ERICH1: variants seen among roughly 807,000 people sequenced by gnomAD.
ERICH1 encodes the protein glutamate rich 1.
In ERICH1, 56 loss-of-function variants were observed where a neutral mutation model predicts 39.6. The ratio of observed to expected loss-of-function variants is 1.41; its 90% confidence interval spans 1.14 to 1.77. The LOEUF is 1.77. Ranked by LOEUF, ERICH1 falls within the 40% of genes most tolerant of loss-of-function variation. The probability of loss-of-function intolerance (pLI) is 0.00; values close to 1 mark genes in which losing one functional copy is unlikely to be tolerated. For missense variants in ERICH1, 826 were observed against 575.4 expected (o/e 1.44, Z -4.45); for synonymous variants, 313 against 223.6 (o/e 1.40, Z -3.57).
intron 3 of ERICH1, among the ~76,000 whole-genome samples, chr8:631,327 C>G (rs112453802): frequency 1.3e-5 from 2 of 152,216 alleles, no homozygotes; most frequent in African/African-American, 4.8e-5. Context: ...CTGTTCCAGA[C>G]CCAGTGAGGT....
intron 3 of ERICH1, among the ~76,000 whole-genome samples, chr8:642,907 G>A (rs1412802009): frequency 1.3e-5 from 2 of 152,300 alleles, no homozygotes; most frequent in South Asian, 4.1e-4. Flanking sequence ...AATCCCTCAG[G>A]CTGTGGGGCT....
chr8:655,217 A>C lies in ERICH1; in HGVS notation c.976+13381T>G, dbSNP rs560015371. Reference sequence around the variant, plus strand: ...CAGCTTCGCCTTTCTAACAGCAAGGACTTGGCTGTCTCTAGACAGGAGACA... The same window carrying C: ...CAGCTTCGCCTTTCTAACAGCAAGGCCTTGGCTGTCTCTAGACAGGAGACA... On this transcript the variant is annotated intron_variant, in intron 3 of 3. Transcript: ENST00000522706. Among the ~76,000 whole-genome samples the C allele has an allele frequency of 3.5e-3, 539 of 152,302 alleles. 6 individuals carry two copies. The highest frequency in any genetic ancestry group is 0.012 in the African/African-American group (500 of 41,564).
rs1424957651 is a variant in ERICH1 at position 692,529 on chromosome 8, G to C, written c.253C>G (p.Pro85Ala). The C allele has an allele frequency of 3.1e-6, 5 of 1,613,936 alleles. No individual in the cohort carries two copies. Among genetic ancestry groups the C allele is most frequent in the Non-Finnish European group, 4.2e-6 (5 of 1,179,952 alleles). ...TTCTCGGGGCTCCCACAGCTGCTGGGCTCCGGCCAACAGGGGACGTAGCCC... is the reference window on the plus strand; with the variant it reads ...TTCTCGGGGCTCCCACAGCTGCTGGCCTCCGGCCAACAGGGGACGTAGCCC... ...PEGYVPCWPE[P>A]SSCGSPENAS... The change falls in exon 3 of 6, where the codon CCC becomes GCC. Residue 85 changes from proline to alanine, a missense_variant. Transcript: ENST00000262109.
chr8:615,481 C>G (rs372172229), intron 3 of ERICH1: 1 of 467,042 alleles, frequency 2.1e-6, no homozygotes, highest in Non-Finnish European at 3.7e-6. Context: ...GTCATCTCTA[C>G]GAGGCCTGGG....
chr8:723,092 G>A lies in ERICH1; in HGVS notation c.23-7085C>T, dbSNP rs75845671. On this transcript the variant is annotated intron_variant, in intron 1 of 5. Transcript: ENST00000262109. ...CTTGGTGCCCACCTCATGGTGATGAGCTCTTGGAGATCTGGGTACTTAAAA... is the reference window on the plus strand; with the variant it reads ...CTTGGTGCCCACCTCATGGTGATGAACTCTTGGAGATCTGGGTACTTAAAA... Among the ~76,000 whole-genome samples the A allele has an allele frequency of 1.4e-3, 212 of 152,290 alleles. 5 individuals are homozygous for A. In the East Asian group the frequency reaches 0.038, roughly 27 times the overall value.
rs138776235 is a variant in ERICH1, at chr8:669,739, G to C, written c.1064-947C>G. Among the ~76,000 whole-genome samples, 70 of 152,368 alleles carry C rather than the reference G, an allele frequency of 4.6e-4. 2 individuals carry two copies. The highest frequency in any genetic ancestry group is 1.6e-3 in the African/African-American group (65 of 41,594). On this transcript the variant is annotated intron_variant, in intron 4 of 5. Transcript: ENST00000262109. Reference sequence around the variant, plus strand: ...ATCACATCGCTTAAAAAAAGAATCAGACTGTGGCTGTTTAGAAGAAATCAA... The same window carrying C: ...ATCACATCGCTTAAAAAAAGAATCACACTGTGGCTGTTTAGAAGAAATCAA...
At chr8:657,394 G>T (rs756444889) in intron 3 of ERICH1, among the ~76,000 whole-genome samples, 7 of 152,032 alleles carry the variant, frequency 4.6e-5, no homozygotes, top group Non-Finnish European at 8.8e-5. Flanking sequence ...AGGTTATCTC[G>T]GGGTTGGCAT....
downstream of ERICH1, among the ~76,000 whole-genome samples, chr8:661,694 T>A (rs1563201131): frequency 6.6e-6 from 1 of 152,276 alleles, no homozygotes; most frequent in Admixed American, 6.5e-5. Flanking sequence ...ATTTATTTGC[T>A]TTTGTTTTGT....
chr8:616,689 C>G (rs971907992), intron 3 of ERICH1: 54 of 440,152 alleles, frequency 1.2e-4, no homozygotes, highest in African/African-American at 1.0e-3. Context: ...GAGAGGAAGA[C>G]AGAGAGGGAC....
At chr8:692,076 G>C (rs13251790) in intron 3 of ERICH1, among the ~76,000 whole-genome samples, 3 of 152,022 alleles carry the variant, frequency 2.0e-5, no homozygotes, top group Non-Finnish European at 4.4e-5. Flanking sequence ...CTTGATTACA[G>C]ATTTGATGTA....
At chr8:663,608 C>T (rs541111168), downstream of ERICH1, among the ~76,000 whole-genome samples, 31 of 152,238 alleles carry the variant, frequency 2.0e-4, no homozygotes, top group South Asian at 1.0e-3. Context: ...ACAAACAGGA[C>T]GAGTGTGGTG....
At chr8:688,824 T>G (rs1348059794) in intron 3 of ERICH1, among the ~76,000 whole-genome samples, 1 of 152,218 alleles carries the variant, frequency 6.6e-6, no homozygotes, top group African/African-American at 2.4e-5. Context: ...AATCTCTCTC[T>G]TATCCAACAA....
At chr8:677,210 C>T (rs1039481700) in intron 3 of ERICH1, among the ~76,000 whole-genome samples, 5 of 152,204 alleles carry the variant, frequency 3.3e-5, no homozygotes, top group African/African-American at 7.2e-5. Flanking sequence ...TTTCTCTCAC[C>T]CTGAAAATAC....
At chr8:711,804 A>G (rs1317686699) in intron 2 of ERICH1, among the ~76,000 whole-genome samples, 1 of 152,122 alleles carries the variant, frequency 6.6e-6, no homozygotes, top group Non-Finnish European at 1.5e-5. Context: ...GTCCAGATCC[A>G]TTTTTAGTAA....
At chr8:620,143 C>T (rs542440524) in intron 3 of ERICH1, among the ~76,000 whole-genome samples, 4 of 151,812 alleles carry the variant, frequency 2.6e-5, no homozygotes, top group South Asian at 2.1e-4. Context: ...GAAACCTCGT[C>T]TCTACTAAAA....
chr8:623,446 C>A (rs1366132198), intron 3 of ERICH1, among the ~76,000 whole-genome samples: 1 of 152,134 alleles, frequency 6.6e-6, no homozygotes, highest in East Asian at 1.9e-4. Context: ...ACTATAACAA[C>A]TCAAAAGGGA....
chr8:724,613 T>C (rs1019403136), intron 1 of ERICH1, among the ~76,000 whole-genome samples: 2 of 152,154 alleles, frequency 1.3e-5, no homozygotes, highest in Non-Finnish European at 2.9e-5. Flanking sequence ...TGAGAGGTCA[T>C]TGGGAAGGCC....
intron 1 of ERICH1, among the ~76,000 whole-genome samples, chr8:719,246 C>T (rs933752984): frequency 3.9e-5 from 6 of 152,206 alleles, no homozygotes; most frequent in African/African-American, 1.2e-4. Flanking sequence ...CATCCAACAG[C>T]GGGCTCCCAC....
At chr8:620,997 C>T (rs192991367) in intron 3 of ERICH1, among the ~76,000 whole-genome samples, 49 of 152,282 alleles carry the variant, frequency 3.2e-4, no homozygotes, top group Middle Eastern at 6.8e-3. Context: ...ACGTTCTCCA[C>T]GACTGACAAT....
Sources: gnomAD v4.1 joint callset for allele counts (sites outside exome capture counted in the v4.1 genomes callset) on GRCh38, gnomAD v4.1.1 for gene constraint, MANE v1.5 for transcripts, NCBI Gene and HGNC (gene_info 2026-07-23, HGNC 2026-07-21) for gene names.